INSIG1: variants seen among roughly 807,000 people sequenced by gnomAD.
INSIG1 encodes the protein insulin induced gene 1.
INSIG1 carries 14 observed loss-of-function variants against 26.5 expected under a neutral mutation model. The observed-to-expected ratio is 0.53, with a 90% confidence interval of 0.35 to 0.83. INSIG1 has a LOEUF of 0.83. Among genes scored for constraint, INSIG1 ranks in the 40% least tolerant of loss-of-function variants. The pLI is 0.01. For synonymous variants in INSIG1, 147 were observed against 153.3 expected, an observed-to-expected ratio of 0.96 and a Z score of 0.30; for missense variants, 272 against 368.9, an observed-to-expected ratio of 0.74 and a Z score of 2.15.
At chr7:155,303,950 G>T in intron 5 of INSIG1, 15 of 799,292 alleles carry the variant, frequency 1.9e-5, no homozygotes, top group Non-Finnish European at 2.6e-5. Context: ...AATTTCTCAT[G>T]ATGGAGAAGA....
At chr7:155,308,106 C>T (rs542640811) in intron 5 of INSIG1, 135 bp from the exon 6 acceptor site, 22 of 582,568 alleles carry the variant, frequency 3.8e-5, no homozygotes, top group Middle Eastern at 9.3e-4. Flanking sequence ...ACATGTCCCA[C>T]CTCTCAATCT....
chr7:155,305,200 G>A (rs12534319), intron 5 of INSIG1, among the ~76,000 whole-genome samples: 111,356 of 151,406 alleles, frequency 0.74, 41,638 homozygotes, highest in African/African-American at 0.85. Context: ...CCCCTTCCCT[G>A]CTGGGCTATC....
intron 2 of INSIG1, among the ~76,000 whole-genome samples, chr7:155,300,528 C>A (rs1203646605): frequency 6.6e-6 from 1 of 152,098 alleles, no homozygotes; most frequent in Non-Finnish European, 1.5e-5. Flanking sequence ...TGAGGTGAAA[C>A]AATTGCAGGG....
In INSIG1 at chr7:155,309,777, G is replaced by T. The variant is rs1798035122; in HGVS notation, c.*1507G>T. ...TTCCTGGAGTTAATTTGTTTTACAG[G>T]AATTTTGTTTTTTAAAAAAATAGGA... On this transcript the variant is annotated 3_prime_UTR_variant, in exon 6 of 6. Coordinates refer to ENST00000340368, the MANE Select transcript of INSIG1 (RefSeq NM_005542.6). The T allele has an allele frequency of 6.6e-6, 1 of 152,070 alleles. No individual in the cohort carries two copies. Among genetic ancestry groups the T allele is most frequent in the Non-Finnish European group, 1.5e-5 (1 of 68,024 alleles). 9.4% of individuals were successfully genotyped at this position (152,070 alleles called of 1,614,324 possible).
Position 155,302,849 on chromosome 7 carries a change from A to AGTGATTG in INSIG1, c.804+3_804+4insGTGATTG. ...ACATAGGACGACAGTTAGCTATGGT[A>AGTGATTG]AGTGAAATGATCATATTATCTTCTA... On this transcript the variant is annotated splice_donor_region_variant and intron_variant, in intron 5 of 5. Transcript: ENST00000340368. The surrounding 1 kb of genome is among the most constrained non-coding windows in gnomAD (Gnocchi z 4.3). The AGTGATTG allele has an allele frequency of 6.4e-7, 1 of 1,558,458 alleles. No individual in the cohort carries two copies. Among genetic ancestry groups the AGTGATTG allele is most frequent in the Non-Finnish European group, 8.9e-7 (1 of 1,129,610 alleles).
In INSIG1 at chr7:155,304,175, G is replaced by C. The variant is rs80169371; in HGVS notation, c.804+1329G>C. Among the ~76,000 whole-genome samples, 1,013 of 152,228 alleles carry C rather than the reference G, an allele frequency of 6.7e-3. 20 individuals are homozygous for C. Among genetic ancestry groups the C allele is most frequent in the African/African-American group, 0.022 (911 of 41,544 alleles). On this transcript the variant is annotated intron_variant, in intron 5 of 5. Transcript: ENST00000340368. ...GATGTTATCTCCCTGCCTTGTCCAG[G>C]CCGGGCTCGAACTCGTGGGCTCAAG... is the stretch of plus-strand genomic sequence containing the variant.
intron 3 of INSIG1, 47 bp downstream of exon 3, chr7:155,301,737 T>C: frequency 1.4e-6 from 2 of 1,459,216 alleles, no homozygotes; most frequent in Non-Finnish European, 1.8e-6. Flanking sequence ...TCTTAGGTTA[T>C]ATATTGAAGC....
rs1487796392 is a variant in INSIG1 at position 155,305,107 on chromosome 7, C to T, written c.804+2261C>T. Among the ~76,000 whole-genome samples, 4 of 149,784 alleles carry T rather than the reference C, an allele frequency of 2.7e-5. No individual in the cohort carries two copies. The East Asian group carries it at 6.0e-4, about 22-fold the overall frequency. The stretch of plus-strand genomic sequence containing the variant: ...CTTGCAATGAGCCGAGATTGTGCCA[C>T]TGCATTCCAGCCTGGGTGACAGAGC... On this transcript the variant is annotated intron_variant, in intron 5 of 5. Coordinates refer to ENST00000340368, the MANE Select transcript of INSIG1 (RefSeq NM_005542.6).
In INSIG1 at chr7:155,308,358, A is replaced by C. The variant is rs1797993170; in HGVS notation, c.*88A>C. ...ATGACAAAGATTATCTTTTTTCTTAAGTAATCTATTTAGATCGGGCTGACT... is the reference window on the plus strand; with the variant it reads ...ATGACAAAGATTATCTTTTTTCTTACGTAATCTATTTAGATCGGGCTGACT... On this transcript the variant is annotated 3_prime_UTR_variant, in exon 6 of 6. Transcript: ENST00000340368. 6.7e-7 allele frequency: 1 copy of C among 1,490,234 alleles called. No individual in the cohort carries two copies. The highest frequency in any genetic ancestry group is 9.4e-7 in the Non-Finnish European group (1 of 1,067,652). The allele number at this position is 1,490,234 out of a possible 1,614,324, so 92.3% of individuals were successfully genotyped here. A position where few individuals can be genotyped will look rare whatever the true frequency, so the allele number is the denominator to read the frequency against.
chr7:155,299,036 C>T (rs1020516619), intron 2 of INSIG1, among the ~76,000 whole-genome samples: 1 of 152,234 alleles, frequency 6.6e-6, no homozygotes, highest in Non-Finnish European at 1.5e-5. Flanking sequence ...CCCGCGCCAG[C>T]CGCCCCGGAT....
chr7:155,299,697 A>G (rs1290617994), intron 2 of INSIG1, among the ~76,000 whole-genome samples: 4 of 152,178 alleles, frequency 2.6e-5, no homozygotes, highest in Non-Finnish European at 5.9e-5. Context: ...TTGTCAGCTG[A>G]CTGCTGACCA....
At chr7:155,304,497 A>G (rs1420551628) in intron 5 of INSIG1, among the ~76,000 whole-genome samples, 1 of 152,232 alleles carries the variant, frequency 6.6e-6, no homozygotes, top group Admixed American at 6.5e-5. Context: ...TACAACTTGA[A>G]TAACATTTAA....
chr7:155,304,864 G>A lies in INSIG1; in HGVS notation c.804+2018G>A, dbSNP rs1477825285. Reference sequence around the variant, plus strand: ...TAAAACTGGAGGAGAGAGGCTGGGCGCGGTGGCTCACGCCTTTAATCCCAG... The same window carrying A: ...TAAAACTGGAGGAGAGAGGCTGGGCACGGTGGCTCACGCCTTTAATCCCAG... On this transcript the variant is annotated intron_variant, in intron 5 of 5. Transcript: ENST00000340368. Among the ~76,000 whole-genome samples the A allele has an allele frequency of 7.2e-5, 11 of 152,032 alleles. No homozygotes were observed. In the South Asian group the frequency reaches 1.0e-3, roughly 14 times the overall value.
chr7:155,306,594 T>C (rs1333317496), intron 5 of INSIG1, among the ~76,000 whole-genome samples: 1 of 152,380 alleles, frequency 6.6e-6, no homozygotes, highest in East Asian at 1.9e-4. Context: ...GTTGGGCTCT[T>C]ACTGCTGCAC....
chr7:155,301,727 T>A (rs1224287120), intron 3 of INSIG1, 37 bp downstream of exon 3: 1 of 1,498,200 alleles, frequency 6.7e-7, no homozygotes, highest in Admixed American at 2.0e-5. Context: ...CAGAGTATCT[T>A]CTTAGGTTAT....
chr7:155,306,763 C>T (rs1797946391), intron 5 of INSIG1, among the ~76,000 whole-genome samples: 2 of 152,212 alleles, frequency 1.3e-5, no homozygotes, highest in Non-Finnish European at 2.9e-5. Flanking sequence ...GTCGACGTGG[C>T]ACCGTGCTTC....
rs780510811 is a variant in INSIG1 at position 155,302,469 on chromosome 7, T to C, written c.704+52T>C. 1.4e-6 allele frequency: 2 copies of C among 1,457,938 alleles called. No individual in the cohort carries two copies. The highest frequency in any genetic ancestry group is 2.7e-5 in the South Asian group (2 of 74,014). 90.3% of individuals were successfully genotyped at this position (1,457,938 alleles called of 1,614,324 possible). A position where few individuals can be genotyped will look rare whatever the true frequency, so the allele number is the denominator to read the frequency against. ...TTTGGAAAGCTTACTTAACTTTCAT[T>C]AAAACATCCACTAAGCTTAGATATT... On this transcript the variant is annotated intron_variant, in intron 4 of 5. Coordinates refer to ENST00000340368, the MANE Select transcript of INSIG1 (RefSeq NM_005542.6). The surrounding 1 kb of genome is among the most constrained non-coding windows in gnomAD (Gnocchi z 4.3).
At chr7:155,306,145 G>A (rs1467805276) in intron 5 of INSIG1, among the ~76,000 whole-genome samples, 2 of 151,916 alleles carry the variant, frequency 1.3e-5, no homozygotes, top group African/African-American at 2.4e-5. Context: ...GATCACAGGC[G>A]CCCACCACCG....
At chr7:155,298,195 G>C in intron 1 of INSIG1, 64 bp from the exon 2 acceptor site, 3 of 1,303,598 alleles carry the variant, frequency 2.3e-6, no homozygotes, top group Non-Finnish European at 3.0e-6. Flanking sequence ...CGGGGTTCGC[G>C]TCCCGCGGGG....
Sources: allele counts gnomAD v4.1 joint callset (sites outside exome capture counted in the v4.1 genomes callset), GRCh38; gene constraint gnomAD v4.1.1; non-coding constraint Gnocchi (gnomAD v3.1); transcripts MANE v1.5; gene names NCBI Gene and HGNC (gene_info 2026-07-23, HGNC 2026-07-21).